The following KCNQ1 variants were observed in gnomAD, a reference collection of about 807,000 sequenced individuals.
KCNQ1 encodes potassium voltage-gated channel subfamily KQT member 1.
Under a neutral mutation model 72.4 loss-of-function variants are expected in KCNQ1, and 49 were observed. The ratio of observed to expected loss-of-function variants is 0.68; its 90% CI spans 0.54 to 0.86. The LOEUF is 0.86. Ranked by LOEUF, KCNQ1 falls within the 40% of genes least tolerant of loss-of-function variation. The probability of loss-of-function intolerance (pLI) is 0.00; values close to 1 mark genes in which losing one functional copy is unlikely to be tolerated. For synonymous variants in KCNQ1, 450 were observed against 412.6 expected, an observed-to-expected ratio of 1.09 and a Z score of -1.10; for missense variants, 790 against 945.1, an observed-to-expected ratio of 0.84 and a Z score of 2.15.
rs1848208279 is a variant in KCNQ1 at position 2,563,787 on chromosome 11, G to A, written c.478-6841G>A. Reference sequence around the variant, plus strand: ...TTTTCCACCCAGGGCCCTTTGCACTGCCTGCTATTTGTTTTCTGTCTTCAT... The same window carrying A: ...TTTTCCACCCAGGGCCCTTTGCACTACCTGCTATTTGTTTTCTGTCTTCAT... On this transcript the variant is annotated intron_variant, in intron 2 of 15. Coordinates refer to ENST00000155840, the MANE Select transcript of KCNQ1 (RefSeq NM_000218.3). This position sits in a 1 kb window ranked among gnomAD's most constrained non-coding sequence, Gnocchi z 7.4. Among the ~76,000 whole-genome samples the A allele has an allele frequency of 6.6e-6, 1 of 152,212 alleles. No homozygotes were observed. The highest frequency in any genetic ancestry group is 2.1e-4 in the South Asian group (1 of 4,832).
intron 15 of KCNQ1, among the ~76,000 whole-genome samples, chr11:2,790,895 A>G (rs1192859232): frequency 6.6e-6 from 1 of 152,092 alleles, no homozygotes; most frequent in African/African-American, 2.4e-5. Context: ...TCCTGAATCC[A>G]GGTCTTGCTT....
Position 2,612,637 on chromosome 11 carries a change from G to C in KCNQ1, c.1393+23783G>C. 2.5e-6 allele frequency: 1 copy of C among 398,434 alleles called. No homozygotes were observed. The highest frequency in any genetic ancestry group is 4.4e-6 in the Non-Finnish European group (1 of 226,028). 24.7% of individuals were successfully genotyped at this position (398,434 alleles called of 1,614,324 possible). On this transcript the variant is annotated intron_variant, in intron 10 of 15. Coordinates refer to ENST00000155840, the MANE Select transcript of KCNQ1 (RefSeq NM_000218.3). The surrounding 1 kb of genome is among the most constrained non-coding windows in gnomAD (Gnocchi z 5.5). ...GATATTATCTATTTGATGAGTCTTT[G>C]TCATCACACTTGCATTCTTTAATGT...
In KCNQ1 at chr11:2,621,842, C is replaced by CA. The variant is rs1849177434; in HGVS notation, c.1393+32988_1393+32989insA. The CA allele has an allele frequency of 5.0e-6, 2 of 398,224 alleles. No individual in the cohort carries two copies. The highest frequency in any genetic ancestry group is 8.9e-6 in the Non-Finnish European group (2 of 225,924). 24.7% of individuals were successfully genotyped at this position (398,224 alleles called of 1,614,324 possible). A position where few individuals can be genotyped will look rare whatever the true frequency, so the allele number is the denominator to read the frequency against. ...AAAATTGAAGTCTTAGTTTTACTGA[C>CA]TTTTTTCCCCTATGGTTTTTCTTTC... On this transcript the variant is annotated intron_variant, in intron 10 of 15. Transcript: ENST00000155840. This position sits in a 1 kb window ranked among gnomAD's most constrained non-coding sequence, Gnocchi z 5.7.
chr11:2,582,562 G>A (rs1848516426), intron 6 of KCNQ1, among the ~76,000 whole-genome samples: 1 of 152,222 alleles, frequency 6.6e-6, no homozygotes, highest in African/African-American at 2.4e-5. Context: ...TGTCCTGAGT[G>A]TGGTGCCCAG....
Position 2,772,779 on chromosome 11 carries a change from A to AAC in KCNQ1, c.1591-3172_1591-3171dup, listed in dbSNP as rs765483135. Among the ~76,000 whole-genome samples the AAC allele has an allele frequency of 6.6e-5, 10 of 152,118 alleles. No individual in the cohort carries two copies. The highest frequency in any genetic ancestry group is 1.5e-4 in the Non-Finnish European group (10 of 68,004). ...AGCACTCGCATCTGCAGAGGCTGCT[A>AAC]ACACACACACCTACACCCACCTGGT... On this transcript the variant is annotated intron_variant, in intron 12 of 15. Transcript: ENST00000155840. The surrounding 1 kb of genome is among the most constrained non-coding windows in gnomAD (Gnocchi z 6.6).
Position 2,570,736 on chromosome 11 carries a change from A to T in KCNQ1, c.586A>T (p.Lys196Ter). The T allele has an allele frequency of 6.2e-7, 1 of 1,611,690 alleles. No homozygotes were observed. The highest frequency in any genetic ancestry group is 8.5e-7 in the Non-Finnish European group (1 of 1,179,982). Residue 196 changes from lysine to a stop codon, truncating the protein, a stop_gained, in exon 3 of 16, where the codon AAG (lysine) becomes TAG (stop). Coordinates refer to ENST00000155840, the MANE Select transcript of KCNQ1 (RefSeq NM_000218.3). LOFTEE classifies it high-confidence loss of function. ...CTGGGGGCGGCTGCGCTTTGCCCGGAAGCCCATTTCCATCATCGGTGAGTC... is the reference window on the plus strand; with the variant it reads ...CTGGGGGCGGCTGCGCTTTGCCCGGTAGCCCATTTCCATCATCGGTGAGTC... ...GLWGRLRFAR[K>*]PISIIDLIVV...
rs1419197319 is a variant in KCNQ1, at chr11:2,826,892, A to G, written c.1795-20875A>G. 6.6e-6 allele frequency among the ~76,000 whole-genome samples: 1 copy of G among 152,222 alleles called. No homozygotes were observed. The highest frequency in any genetic ancestry group is 1.5e-5 in the Non-Finnish European group (1 of 68,016). ...GTGGGGTGTCTGGTCCTGGAGTGAC[A>G]AGGACAGGGAGGAAGAAAGCCAGGC... On this transcript the variant is annotated intron_variant, in intron 15 of 15. Transcript: ENST00000155840. The surrounding 1 kb of genome is among the most constrained non-coding windows in gnomAD (Gnocchi z 4.2).
intron 10 of KCNQ1, chr11:2,640,688 G>A (rs867486411): frequency 7.5e-6 from 3 of 397,988 alleles, no homozygotes; most frequent in Non-Finnish European, 1.3e-5. Flanking sequence ...CTATAGTTAG[G>A]AACATTTCAA....
At chr11:2,587,469 G>A (rs1238805387) in intron 8 of KCNQ1, 101 bp from the exon 9 acceptor site, 2 of 1,551,196 alleles carry the variant, frequency 1.3e-6, no homozygotes, top group Non-Finnish European at 1.8e-6. Flanking sequence ...CCAGAGGGGA[G>A]GGGCCAGGCC....
intron 10 of KCNQ1, chr11:2,618,482 G>A (rs11023485): frequency 0.26 from 103,518 of 398,280 alleles, 16,680 homozygotes; most frequent in East Asian, 0.62. Flanking sequence ...TGTTTTCTTC[G>A]TGTTCTTGTG....
At chr11:2,531,509 C>T (rs1473659168) in intron 2 of KCNQ1, among the ~76,000 whole-genome samples, 2 of 152,174 alleles carry the variant, frequency 1.3e-5, no homozygotes, top group Non-Finnish European at 2.9e-5. Context: ...CAAGATGGTC[C>T]TCATCCCAGC....
rs866396198 is a variant in KCNQ1 at position 2,640,938 on chromosome 11, G to C, written c.1394-21023G>C. The C allele has an allele frequency of 2.5e-5, 10 of 398,912 alleles. No homozygotes were observed. The Middle Eastern group carries it at 2.8e-3, about 111-fold the overall frequency. The allele number at this position is 398,912 out of a possible 1,614,324, so 24.7% of individuals were successfully genotyped here. On this transcript the variant is annotated intron_variant, in intron 10 of 15. Transcript: ENST00000155840. ...AATAACATAAGATAATTATCTTTCT[G>C]TGCCTGGCTTAAAATAATGACCTCC...
intron 10 of KCNQ1, chr11:2,644,447 C>T (rs568705662): frequency 5.0e-6 from 2 of 398,320 alleles, no homozygotes; most frequent in East Asian, 7.1e-5. Context: ...ATATCTATCT[C>T]TTGGGCAAAT....
chr11:2,571,350 G>A lies in KCNQ1; in HGVS notation c.630G>A (p.Met210Ile), dbSNP rs776811872. Residue 210 changes from methionine (M) to isoleucine (I), a missense_variant, in exon 4 of 16, where the codon ATG becomes ATA. Physicochemically the swap from Met to Ile is conservative, Grantham distance 10. Transcript: ENST00000155840. ...IIDLIVVVAS[M>I]VVLCVGSKGQ... ...ACCTCATCGTGGTCGTGGCCTCCAT[G>A]GTGGTCCTCTGCGTGGGCTCCAAGG... 1.9e-6 allele frequency: 3 copies of A among 1,613,288 alleles called. No homozygotes were observed. The highest frequency in any genetic ancestry group is 2.5e-6 in the Non-Finnish European group (3 of 1,179,970).
rs533883437 is a variant in KCNQ1, at chr11:2,781,482, G to A, written c.1794+3445G>A. The stretch of plus-strand genomic sequence containing the variant: ...GTGTGGGCCAGGGACCAATGCAGGC[G>A]GTCGGGAGAGGTCCGGAGAGAGCTG... On this transcript the variant is annotated intron_variant, in intron 15 of 15. Transcript: ENST00000155840. The surrounding 1 kb of genome is among the most constrained non-coding windows in gnomAD (Gnocchi z 6.6). 2.3e-4 allele frequency among the ~76,000 whole-genome samples: 35 copies of A among 152,328 alleles called. No individual in the cohort carries two copies. The highest frequency in any genetic ancestry group is 7.7e-4 in the African/African-American group (32 of 41,582).
In KCNQ1 at chr11:2,824,028, G is replaced by A. The variant is rs1847790038; in HGVS notation, c.1795-23739G>A. On this transcript the variant is annotated intron_variant, in intron 15 of 15. Coordinates refer to ENST00000155840, the MANE Select transcript of KCNQ1 (RefSeq NM_000218.3). The surrounding 1 kb of genome is among the most constrained non-coding windows in gnomAD (Gnocchi z 5.9). ...AGTGGAGCTGGGCATGCACACTAAG[G>A]CCTGGAGGCTTGTGCTTATCCATCA... is the stretch of plus-strand genomic sequence containing the variant. Among the ~76,000 whole-genome samples, 1 of 152,158 alleles carries A rather than the reference G, an allele frequency of 6.6e-6. No individual in the cohort carries two copies. The highest frequency in any genetic ancestry group is 1.5e-5 in the Non-Finnish European group (1 of 68,036).
chr11:2,582,142 G>A (rs2133748605), intron 6 of KCNQ1, among the ~76,000 whole-genome samples: 1 of 152,332 alleles, frequency 6.6e-6, no homozygotes, highest in Admixed American at 6.5e-5. Context: ...TTCCCGCAAT[G>A]TGGCCGCTTC....
At position 2,784,148 on chromosome 11, in the gene KCNQ1, G is replaced by C. The variant is rs963105070; in HGVS notation, c.1794+6111G>C. On this transcript the variant is annotated intron_variant, in intron 15 of 15. Transcript: ENST00000155840. The surrounding 1 kb of genome is among the most constrained non-coding windows in gnomAD (Gnocchi z 4.7). ...TGTATAGAATTAGCTCTTACATTTC[G>C]GTCTATATTTACTTTGAGGTAATTT... Among the ~76,000 whole-genome samples the C allele has an allele frequency of 6.6e-6, 1 of 151,506 alleles. No homozygotes were observed. The highest frequency in any genetic ancestry group is 1.5e-5 in the Non-Finnish European group (1 of 67,718).
At chr11:2,557,730 G>A (rs1279031886) in intron 2 of KCNQ1, among the ~76,000 whole-genome samples, 1 of 152,234 alleles carries the variant, frequency 6.6e-6, no homozygotes, top group Non-Finnish European at 1.5e-5. Flanking sequence ...CCAGGAGACA[G>A]GCAGTGCCAG....
Sources: gnomAD v4.1 joint callset for allele counts (sites outside exome capture counted in the v4.1 genomes callset) on GRCh38, gnomAD v4.1.1 for gene constraint, Gnocchi (gnomAD v3.1) non-coding constraint, MANE v1.5 for transcripts, NCBI Gene and HGNC (gene_info 2026-07-23, HGNC 2026-07-21) for gene names.